OSBPL9: variants seen among roughly 807,000 people sequenced by gnomAD.
OSBPL9 encodes the protein oxysterol-binding protein-related protein 9.
OSBPL9 carries 40 observed loss-of-function variants against 106.6 expected under a neutral mutation model. That is an observed-to-expected ratio of 0.38 (90% confidence interval 0.29 to 0.49). The LOEUF (loss-of-function observed/expected upper bound fraction) is 0.49, where lower values mean the gene tolerates loss of function less well. Among genes scored for constraint, OSBPL9 ranks in the 20% least tolerant of loss-of-function variants. OSBPL9 has a pLI of 0.97. For synonymous variants in OSBPL9, 269 were observed against 295.4 expected (o/e 0.91, Z 0.92); for missense variants, 609 against 887.2 (o/e 0.69, Z 3.98).
intron 2 of OSBPL9, among the ~76,000 whole-genome samples, chr1:51,611,152 T>C (rs1411572811): frequency 1.3e-5 from 2 of 152,148 alleles, no homozygotes; most frequent in African/African-American, 2.4e-5. Flanking sequence ...TAAAATATTT[T>C]CTCTCCCTTT....
chr1:51,632,662 G>C (rs897331281), intron 1 of OSBPL9, among the ~76,000 whole-genome samples: 2 of 119,426 alleles, frequency 1.7e-5, no homozygotes, highest in African/African-American at 3.3e-5. Context: ...CCTGCGATGG[G>C]GGGAGAAGTG....
intron 3 of OSBPL9, among the ~76,000 whole-genome samples, chr1:51,672,524 T>C (rs991438912): frequency 6.6e-6 from 1 of 152,182 alleles, no homozygotes; most frequent in Non-Finnish European, 1.5e-5. Flanking sequence ...GCAACTACTT[T>C]TCTGCTTTCT....
chr1:51,573,230 C>T (rs891787659), upstream of OSBPL9, among the ~76,000 whole-genome samples: 11 of 148,100 alleles, frequency 7.4e-5, no homozygotes, highest in Admixed American at 4.7e-4. Context: ...AAAAAAAGGT[C>T]GGGTGCAGTG....
chr1:51,765,444 A>G (rs578063729), intron 11 of OSBPL9: 1 of 155,828 alleles, frequency 6.4e-6, no homozygotes, highest in Admixed American at 6.5e-5. Flanking sequence ...TCACTGCTGC[A>G]TTTTTAGGTA....
At chr1:51,679,649 G>T (rs962849393) in intron 3 of OSBPL9, among the ~76,000 whole-genome samples, 1 of 152,128 alleles carries the variant, frequency 6.6e-6, no homozygotes, top group Non-Finnish European at 1.5e-5. Context: ...ATCCCACTTG[G>T]GTGTGAATCA....
chr1:51,666,792 C>T (rs1030626055), intron 2 of OSBPL9, among the ~76,000 whole-genome samples: 1 of 152,180 alleles, frequency 6.6e-6, no homozygotes, highest in Non-Finnish European at 1.5e-5. Context: ...CCTTGAATGA[C>T]ATTATGAAGT....
chr1:51,736,368 A>G (rs750346348), intron 4 of OSBPL9, among the ~76,000 whole-genome samples: 1 of 152,188 alleles, frequency 6.6e-6, no homozygotes, highest in Non-Finnish European at 1.5e-5. Flanking sequence ...ATGTCAGAAC[A>G]ATTGTTGAGT....
chr1:51,769,442 A>G (rs1414317999), intron 12 of OSBPL9, among the ~76,000 whole-genome samples: 1 of 152,198 alleles, frequency 6.6e-6, no homozygotes, highest in Non-Finnish European at 1.5e-5. Flanking sequence ...CACCAGCTGT[A>G]TGACTTCAGA....
intron 16 of OSBPL9, 73 bp from the exon 17 acceptor site, chr1:51,782,486 C>T: frequency 3.0e-6 from 4 of 1,327,340 alleles, no homozygotes. Context: ...AGCAGAGACC[C>T]CAATTACCAG....
intron 2 of OSBPL9, among the ~76,000 whole-genome samples, chr1:51,663,881 GAA>G (rs1647763086): frequency 6.6e-6 from 1 of 152,180 alleles, no homozygotes; most frequent in South Asian, 2.1e-4. Flanking sequence ...CAGAAACCAT[GAA>G]AACATACTTA....
chr1:51,559,338 C>T, the OSBPL9 span, among the ~76,000 whole-genome samples: 7 of 151,872 alleles, frequency 4.6e-5, no homozygotes, highest in South Asian at 6.2e-4. Context: ...GAGTGTCAGA[C>T]CCGATTAGAA....
At chr1:51,654,234 T>C (rs570861550) in intron 2 of OSBPL9, among the ~76,000 whole-genome samples, 34 of 152,300 alleles carry the variant, frequency 2.2e-4, no homozygotes, top group Non-Finnish European at 8.8e-5. Context: ...GAACATAGTG[T>C]CTAGTTTTTG....
At chr1:51,529,384 C>A in the OSBPL9 span, among the ~76,000 whole-genome samples, 1 of 151,978 alleles carries the variant, frequency 6.6e-6, no homozygotes, top group Admixed American at 6.6e-5. Context: ...ACTACAGATG[C>A]CCGCCACCAT....
chr1:51,540,676 T>C, the OSBPL9 span, among the ~76,000 whole-genome samples: 4 of 144,796 alleles, frequency 2.8e-5, no homozygotes, highest in Non-Finnish European at 6.1e-5. Flanking sequence ...ATTTTTTTTG[T>C]TGGCCAGGTG....
chr1:51,700,744 AATT>A (rs1657047243), intron 3 of OSBPL9, among the ~76,000 whole-genome samples: 1 of 152,016 alleles, frequency 6.6e-6, no homozygotes, highest in African/African-American at 2.4e-5. Flanking sequence ...TCCATTGTAA[AATT>A]ATTATTTATT....
chr1:51,560,084 A>G, the OSBPL9 span, among the ~76,000 whole-genome samples: 29 of 152,226 alleles, frequency 1.9e-4, no homozygotes, highest in African/African-American at 6.8e-4. Context: ...TAAATAAAGT[A>G]GAAAATAAAT....
At chr1:51,670,941 A>G (rs976726941) in intron 3 of OSBPL9, among the ~76,000 whole-genome samples, 19 of 152,314 alleles carry the variant, frequency 1.2e-4, no homozygotes, top group Admixed American at 4.6e-4. Flanking sequence ...CTCTGCAGTT[A>G]CTAAGAAGGA....
chr1:51,653,717 G>A (rs1349217598), intron 2 of OSBPL9, among the ~76,000 whole-genome samples: 3 of 152,164 alleles, frequency 2.0e-5, no homozygotes, highest in South Asian at 2.1e-4. Context: ...AATCTGGACC[G>A]GCTGGGTGCT....
chr1:51,613,268 T>C (rs180856298), upstream of OSBPL9, among the ~76,000 whole-genome samples: 82 of 152,352 alleles, frequency 5.4e-4, no homozygotes, highest in African/African-American at 1.7e-3. Flanking sequence ...TCCCCACAGT[T>C]TGCTTATCCC....
Sources: gnomAD v4.1 joint callset for allele counts (sites outside exome capture counted in the v4.1 genomes callset) on GRCh38, gnomAD v4.1.1 for gene constraint, MANE v1.5 for transcripts, NCBI Gene and HGNC (gene_info 2026-07-23, HGNC 2026-07-21) for gene names.